The following LRP1B variants were observed in gnomAD, a reference collection of about 807,000 sequenced individuals.
The protein encoded by LRP1B is LDL receptor related protein 1B.
A neutral mutation model predicts 556.6 loss-of-function variants in LRP1B; 217 were observed. The ratio of observed to expected loss-of-function variants is 0.39; its 90% confidence interval spans 0.35 to 0.44. The LOEUF is 0.44. LRP1B is among the 20% of genes least tolerant of loss of function. The probability of loss-of-function intolerance (pLI) is 1.00; values close to 1 mark genes in which losing one functional copy is unlikely to be tolerated. For missense variants in LRP1B, 5,053 were observed against 5,620.8 expected (o/e 0.90, Z 3.23); for synonymous variants, 2,047 against 1,865.8 (o/e 1.10, Z -2.50).
intron 2 of LRP1B, among the ~76,000 whole-genome samples, chr2:141,703,072 T>G (rs1692002188): frequency 6.6e-6 from 1 of 151,964 alleles, no homozygotes; most frequent in Admixed American, 6.6e-5. Flanking sequence ...TTTCAACATC[T>G]GTGCTGAGTT....
chr2:141,304,096 C>T (rs1686494969), intron 3 of LRP1B, among the ~76,000 whole-genome samples: 1 of 152,056 alleles, frequency 6.6e-6, no homozygotes, highest in Non-Finnish European at 1.5e-5. Flanking sequence ...CCTTTACCTA[C>T]TTTTTAATGG....
intron 34 of LRP1B, 77 bp downstream of exon 34, chr2:140,770,804 G>A (rs2104938374): frequency 2.4e-6 from 3 of 1,250,782 alleles, no homozygotes; most frequent in Non-Finnish European, 3.2e-6. Flanking sequence ...ACTGACTTTG[G>A]TTGCCTAACA....
intron 1 of LRP1B, among the ~76,000 whole-genome samples, chr2:141,960,553 G>C (rs1253526704): frequency 6.6e-6 from 1 of 151,760 alleles, no homozygotes; most frequent in Non-Finnish European, 1.5e-5. Context: ...GTTTTTCAAA[G>C]TTTCTCTCCT....
chr2:141,116,895 ATG>A (rs1212243133), intron 7 of LRP1B, among the ~76,000 whole-genome samples: 3 of 152,052 alleles, frequency 2.0e-5, no homozygotes, highest in Non-Finnish European at 4.4e-5. Context: ...TGCATATTTT[ATG>A]TGATAGTGTG....
intron 66 of LRP1B, among the ~76,000 whole-genome samples, chr2:140,410,538 A>G (rs1684929990): frequency 6.6e-6 from 1 of 152,122 alleles, no homozygotes; most frequent in Non-Finnish European, 1.5e-5. Flanking sequence ...ACAGCACGCT[A>G]TGAAAGAAGT....
At chr2:141,757,775 G>A (rs113431633) in intron 2 of LRP1B, among the ~76,000 whole-genome samples, 2 of 152,116 alleles carry the variant, frequency 1.3e-5, no homozygotes, top group East Asian at 3.9e-4. Flanking sequence ...GGGCTCAAGT[G>A]ATCCTCCCAC....
chr2:141,149,924 G>A (rs1013935315), intron 7 of LRP1B, among the ~76,000 whole-genome samples: 4 of 152,160 alleles, frequency 2.6e-5, no homozygotes, highest in Non-Finnish European at 5.9e-5. Flanking sequence ...ATCCCTGGAG[G>A]CCAACTGAAA....
At chr2:140,602,548 C>T (rs1322015921) in intron 41 of LRP1B, among the ~76,000 whole-genome samples, 1 of 151,898 alleles carries the variant, frequency 6.6e-6, no homozygotes, top group African/African-American at 2.4e-5. Flanking sequence ...AACATTATTA[C>T]AGACAGAGCA....
At chr2:141,172,717 T>C (rs1258752434) in intron 7 of LRP1B, among the ~76,000 whole-genome samples, 1 of 151,970 alleles carries the variant, frequency 6.6e-6, no homozygotes, top group Non-Finnish European at 1.5e-5. Flanking sequence ...TAGAATCTGA[T>C]ATATATATAA....
intron 1 of LRP1B, among the ~76,000 whole-genome samples, chr2:141,938,551 A>G (rs1456925142): frequency 5.3e-5 from 8 of 152,168 alleles, no homozygotes; most frequent in Non-Finnish European, 1.2e-4. Context: ...CAAGCTAAAA[A>G]TAGAACTAAC....
intron 35 of LRP1B, among the ~76,000 whole-genome samples, chr2:140,741,545 T>C (rs937802568): frequency 1.3e-5 from 2 of 152,076 alleles, no homozygotes; most frequent in Non-Finnish European, 2.9e-5. Context: ...GTAAATTGCA[T>C]ATCACAGGAG....
intron 6 of LRP1B, among the ~76,000 whole-genome samples, chr2:141,214,388 C>A (rs1682696189): frequency 6.6e-6 from 1 of 152,148 alleles, no homozygotes; most frequent in Non-Finnish European, 1.5e-5. Context: ...TTAACTGTTA[C>A]TCTAAAAGAC....
intron 7 of LRP1B, among the ~76,000 whole-genome samples, chr2:141,062,762 C>T (rs1446124491): frequency 6.6e-6 from 1 of 151,738 alleles, no homozygotes; most frequent in Non-Finnish European, 1.5e-5. Context: ...TGGAATTAAG[C>T]AGACAGAAAA....
intron 1 of LRP1B, among the ~76,000 whole-genome samples, chr2:142,063,763 A>T (rs1705002527): frequency 6.6e-6 from 1 of 151,674 alleles, no homozygotes; most frequent in African/African-American, 2.4e-5. Flanking sequence ...TTAGAGAAAT[A>T]CTGTTAAAAT....
intron 1 of LRP1B, among the ~76,000 whole-genome samples, chr2:142,114,383 T>G (rs899301592): frequency 6.6e-6 from 1 of 152,082 alleles, no homozygotes; most frequent in Non-Finnish European, 1.5e-5. Context: ...AATTAAAGTA[T>G]TGAACAGTTC....
At chr2:141,457,977 A>C (rs938828330) in intron 3 of LRP1B, among the ~76,000 whole-genome samples, 7 of 152,192 alleles carry the variant, frequency 4.6e-5, no homozygotes, top group African/African-American at 1.7e-4. Flanking sequence ...AAAATGCTCT[A>C]GATTGGACAA....
At chr2:141,737,272 A>G (rs2105532020) in intron 2 of LRP1B, among the ~76,000 whole-genome samples, 1 of 152,272 alleles carries the variant, frequency 6.6e-6, no homozygotes, top group South Asian at 2.1e-4. Flanking sequence ...GAATTGCTTG[A>G]ACCTGGGAAG....
intron 1 of LRP1B, among the ~76,000 whole-genome samples, chr2:141,926,647 A>C (rs1700340283): frequency 6.6e-6 from 1 of 152,170 alleles, no homozygotes. Context: ...TCTACTTTGA[A>C]GCAAAGTTCA....
intron 19 of LRP1B, among the ~76,000 whole-genome samples, chr2:140,951,322 A>G (rs776698731): frequency 6.6e-6 from 1 of 152,064 alleles, no homozygotes; most frequent in Non-Finnish European, 1.5e-5. Context: ...GAGGGAGGGG[A>G]GAGAGCTGTG....
Sources: allele counts gnomAD v4.1 joint callset (sites outside exome capture counted in the v4.1 genomes callset), GRCh38; gene constraint gnomAD v4.1.1; transcripts MANE v1.5; gene names NCBI Gene and HGNC (gene_info 2026-07-23, HGNC 2026-07-21).